Variants in STARD13 observed in about 807,000 individuals in gnomAD.
The protein encoded by STARD13 is stAR-related lipid transfer protein 13.
In STARD13, 62 loss-of-function variants were observed where a neutral mutation model predicts 106.4. The observed-to-expected ratio is 0.58, with a 90% CI of 0.48 to 0.72. STARD13 has a LOEUF of 0.72. STARD13 is among the 30% of genes least tolerant of loss of function. The pLI, the probability that STARD13 is intolerant of heterozygous loss-of-function variation, is 0.00. For synonymous variants in STARD13, 565 were observed against 553.0 expected, an observed-to-expected ratio of 1.02 and a Z score of -0.31; for missense variants, 1,387 against 1,424.0, an observed-to-expected ratio of 0.97 and a Z score of 0.42.
the STARD13 span, among the ~76,000 whole-genome samples, chr13:33,574,390 G>C: frequency 3.0e-4 from 46 of 152,278 alleles, no homozygotes; most frequent in Middle Eastern, 3.4e-3. Context: ...GTATTTATCA[G>C]ATTATAGATA....
the STARD13 span, among the ~76,000 whole-genome samples, chr13:33,381,292 C>T: frequency 6.6e-6 from 1 of 151,890 alleles, no homozygotes; most frequent in Non-Finnish European, 1.5e-5. Flanking sequence ...TTTTTTGCTC[C>T]CTACCCCCTA....
chr13:33,660,580 T>A, the STARD13 span, among the ~76,000 whole-genome samples: 1 of 152,152 alleles, frequency 6.6e-6, no homozygotes, highest in South Asian at 2.1e-4. Flanking sequence ...TGATTTGTAC[T>A]GTGGGTTTGT....
the STARD13 span, among the ~76,000 whole-genome samples, chr13:33,662,568 C>T: frequency 5.3e-5 from 8 of 152,286 alleles, no homozygotes. Context: ...AAACCCTGCA[C>T]TTTAACTTCA....
chr13:33,218,613 T>C (rs1888174005), intron 1 of STARD13, among the ~76,000 whole-genome samples: 1 of 152,252 alleles, frequency 6.6e-6, no homozygotes, highest in Admixed American at 6.5e-5. Context: ...TCCTACATTA[T>C]GATGCCTATT....
chr13:33,179,289 A>T (rs1001350155), intron 1 of STARD13, among the ~76,000 whole-genome samples: 1 of 152,204 alleles, frequency 6.6e-6, no homozygotes, highest in African/African-American at 2.4e-5. Context: ...TACACCTCTC[A>T]TTACCTGTGT....
At chr13:33,655,909 C>T in the STARD13 span, among the ~76,000 whole-genome samples, 1 of 152,062 alleles carries the variant, frequency 6.6e-6, no homozygotes. Context: ...CAAGAACATG[C>T]TTGAAAATGG....
chr13:33,618,414 T>G, the STARD13 span, among the ~76,000 whole-genome samples: 1 of 152,234 alleles, frequency 6.6e-6, no homozygotes, highest in Non-Finnish European at 1.5e-5. Flanking sequence ...TAAAGTATGT[T>G]AGACTGTGAA....
intron 1 of STARD13, among the ~76,000 whole-genome samples, chr13:33,218,114 T>C (rs551508896): frequency 6.6e-6 from 1 of 152,228 alleles, no homozygotes; most frequent in Non-Finnish European, 1.5e-5. Context: ...TTTTACTGTA[T>C]GGCAAACATA....
chr13:33,609,429 C>T, the STARD13 span, among the ~76,000 whole-genome samples: 3 of 152,150 alleles, frequency 2.0e-5, no homozygotes, highest in Non-Finnish European at 2.9e-5. Flanking sequence ...TAATCGGGTG[C>T]ACTAAGTTTT....
At chr13:33,196,502 G>C (rs1019179705) in intron 1 of STARD13, among the ~76,000 whole-genome samples, 3 of 152,216 alleles carry the variant, frequency 2.0e-5, no homozygotes, top group Non-Finnish European at 4.4e-5. Flanking sequence ...CAGCCTGCCA[G>C]TGGTTTCTGG....
At chr13:33,386,736 A>G in the STARD13 span, among the ~76,000 whole-genome samples, 2 of 152,048 alleles carry the variant, frequency 1.3e-5, no homozygotes, top group Non-Finnish European at 2.9e-5. Flanking sequence ...CAAAGTCCAG[A>G]AAATATACGC....
At chr13:33,289,693 A>G (rs1892211389), upstream of STARD13, among the ~76,000 whole-genome samples, 3 of 152,298 alleles carry the variant, frequency 2.0e-5, no homozygotes, top group Admixed American at 2.0e-4. Flanking sequence ...TGGAATGCCT[A>G]CATGGAAATA....
At chr13:33,330,446 T>C (rs951231749) in intron 1 of STARD13, among the ~76,000 whole-genome samples, 2 of 152,230 alleles carry the variant, frequency 1.3e-5, no homozygotes, top group African/African-American at 2.4e-5. Flanking sequence ...CAGTTGTTTG[T>C]ATTTTTGGTA....
chr13:33,294,056 T>C (rs1329845125), intron 1 of STARD13, among the ~76,000 whole-genome samples: 1 of 152,180 alleles, frequency 6.6e-6, no homozygotes, highest in African/African-American at 2.4e-5. Flanking sequence ...AACAGGACAG[T>C]TTAAGGTCCC....
chr13:33,667,798 A>G, the STARD13 span, among the ~76,000 whole-genome samples: 1 of 152,262 alleles, frequency 6.6e-6, no homozygotes, highest in African/African-American at 2.4e-5. Flanking sequence ...CTGAAGAGTC[A>G]TGTTAAATGA....
the STARD13 span, among the ~76,000 whole-genome samples, chr13:33,421,997 T>G: frequency 1.3e-5 from 2 of 151,496 alleles, no homozygotes; most frequent in Admixed American, 1.3e-4. Context: ...TCATACTGAA[T>G]GGGAAAAAAC....
intron 3 of STARD13, among the ~76,000 whole-genome samples, chr13:33,153,575 A>C (rs557613446): frequency 3.9e-5 from 6 of 152,272 alleles, no homozygotes; most frequent in African/African-American, 1.4e-4. Flanking sequence ...TCAAGCTGAA[A>C]CAGAAGCCTG....
chr13:33,284,907 C>A (rs1404259593), intron 1 of STARD13, among the ~76,000 whole-genome samples: 1 of 152,080 alleles, frequency 6.6e-6, no homozygotes, highest in Non-Finnish European at 1.5e-5. Context: ...TGAACGAACA[C>A]CTTAATTCTC....
the STARD13 span, among the ~76,000 whole-genome samples, chr13:33,435,922 A>G: frequency 2.6e-5 from 4 of 152,214 alleles, no homozygotes; most frequent in African/African-American, 9.6e-5. Flanking sequence ...GGTACACTCC[A>G]TATAGTACAT....
Sources: allele counts gnomAD v4.1 joint callset (sites outside exome capture counted in the v4.1 genomes callset), GRCh38; gene constraint gnomAD v4.1.1; transcripts MANE v1.5; gene names NCBI Gene and HGNC (gene_info 2026-07-23, HGNC 2026-07-21).